The following SKAP2 variants were observed in gnomAD, a reference collection of about 807,000 sequenced individuals.
SKAP2 encodes the protein src kinase associated phosphoprotein 2.
A neutral mutation model predicts 54.9 loss-of-function variants in SKAP2; 28 were observed. The ratio of observed to expected loss-of-function variants is 0.51; its 90% confidence interval spans 0.38 to 0.70. SKAP2 has a LOEUF of 0.70. SKAP2 is among the 30% of genes least tolerant of loss of function. SKAP2 has a pLI of 0.00. For synonymous variants in SKAP2, 137 were observed against 134.3 expected, an observed-to-expected ratio of 1.02 and a Z score of -0.14; for missense variants, 356 against 424.1, an observed-to-expected ratio of 0.84 and a Z score of 1.41.
chr7:26,741,736 G>A (rs903585678), intron 4 of SKAP2, among the ~76,000 whole-genome samples: 6 of 151,222 alleles, frequency 4.0e-5, no homozygotes, highest in East Asian at 1.9e-4. Flanking sequence ...TTTGCCTATT[G>A]TGTACCCACA....
At chr7:26,705,073 G>A (rs1035326637) in intron 9 of SKAP2, among the ~76,000 whole-genome samples, 1 of 152,206 alleles carries the variant, frequency 6.6e-6, no homozygotes, top group African/African-American at 2.4e-5. Flanking sequence ...CACTCTGGGA[G>A]GACAAATCCC....
intron 4 of SKAP2, among the ~76,000 whole-genome samples, chr7:26,772,220 C>T (rs528742325): frequency 9.2e-5 from 14 of 152,144 alleles, no homozygotes; most frequent in Admixed American, 5.9e-4. Context: ...TGGTGTGCAG[C>T]ACTTTGTTTT....
intron 10 of SKAP2, 130 bp downstream of exon 10, chr7:26,690,155 T>A (rs1036733122): frequency 1.5e-6 from 1 of 657,308 alleles, no homozygotes; most frequent in Admixed American, 2.5e-5. Flanking sequence ...TTATCAGCCA[T>A]AAGATATCCA....
chr7:26,731,114 T>C (rs369634693), intron 6 of SKAP2, among the ~76,000 whole-genome samples: 10 of 152,202 alleles, frequency 6.6e-5, no homozygotes, highest in African/African-American at 2.2e-4. Context: ...CATTTCACAC[T>C]GTTTTCTAAA....
At chr7:26,663,679 T>C (rs1275367097), downstream of SKAP2, among the ~76,000 whole-genome samples, 1 of 152,122 alleles carries the variant, frequency 6.6e-6, no homozygotes, top group African/African-American at 2.4e-5. Flanking sequence ...AAAACAACTA[T>C]TTGAGACAGA....
chr7:26,689,460 C>T lies in SKAP2; in HGVS notation c.874+825G>A, dbSNP rs1376744240. On this transcript the variant is annotated intron_variant, in intron 10 of 12. Coordinates refer to ENST00000345317, the MANE Select transcript of SKAP2 (RefSeq NM_003930.5). Reference sequence around the variant, plus strand: ...ATAACAACAAGCAAGAAAAGTTGTCCGTATCATGTGATTTTGTACAGAGTG... The same window carrying T: ...ATAACAACAAGCAAGAAAAGTTGTCTGTATCATGTGATTTTGTACAGAGTG... 3.9e-5 allele frequency among the ~76,000 whole-genome samples: 6 copies of T among 152,196 alleles called. No homozygotes were observed. The South Asian group carries it at 8.3e-4, about 21-fold the overall frequency.
At chr7:26,856,756 G>T (rs898708626) in intron 1 of SKAP2, among the ~76,000 whole-genome samples, 3 of 152,144 alleles carry the variant, frequency 2.0e-5, no homozygotes, top group South Asian at 2.1e-4. Flanking sequence ...AGAATCACTG[G>T]CCCAATGACT....
intron 3 of SKAP2, among the ~76,000 whole-genome samples, chr7:26,848,932 C>A (rs576319676): frequency 2.1e-4 from 32 of 152,264 alleles, no homozygotes; most frequent in Non-Finnish European, 4.1e-4. Context: ...TAAGAAAAAA[C>A]CATTTTTCAA....
intron 4 of SKAP2, among the ~76,000 whole-genome samples, chr7:26,822,702 C>T (rs1333124068): frequency 1.3e-5 from 2 of 150,692 alleles, no homozygotes; most frequent in African/African-American, 2.5e-5. Context: ...GGTGAAACCC[C>T]GTCTCTACTA....
intron 4 of SKAP2, among the ~76,000 whole-genome samples, chr7:26,809,318 A>C (rs558263): frequency 0.85 from 128,834 of 151,858 alleles, 55,029 homozygotes; most frequent in East Asian, 0.99. Flanking sequence ...GAGGCTGAGA[A>C]AGGAGAATCA....
chr7:26,655,170 T>C, the SKAP2 span, among the ~76,000 whole-genome samples: 1 of 152,234 alleles, frequency 6.6e-6, no homozygotes, highest in Non-Finnish European at 1.5e-5. Flanking sequence ...CTCAAAAACA[T>C]TGTGCAAAAG....
At chr7:26,849,545 C>A (rs1325707235) in intron 3 of SKAP2, among the ~76,000 whole-genome samples, 2 of 151,684 alleles carry the variant, frequency 1.3e-5, no homozygotes, top group East Asian at 1.9e-4. Flanking sequence ...ATTAGCCAGG[C>A]GTGGTGGTGG....
In SKAP2 at chr7:26,681,379, G is replaced by A. The variant is rs551099832; in HGVS notation, c.987+3357C>T. On this transcript the variant is annotated intron_variant, in intron 11 of 12. Coordinates refer to ENST00000345317, the MANE Select transcript of SKAP2 (RefSeq NM_003930.5). ...GAATCGCTTAAACCTGGGAGGCAGC[G>A]GTTGCGGTGAGCCGAGATCGTGCCA... 2.4e-4 allele frequency among the ~76,000 whole-genome samples: 36 copies of A among 152,338 alleles called. 1 individual carries two copies. The South Asian group carries it at 5.0e-3, about 21-fold the overall frequency.
At chr7:26,675,140 G>A (rs185995757) in intron 11 of SKAP2, among the ~76,000 whole-genome samples, 1 of 152,168 alleles carries the variant, frequency 6.6e-6, no homozygotes, top group South Asian at 2.1e-4. Context: ...GTTCTTCCCG[G>A]GAACTCTTTT....
At chr7:26,671,642 A>T (rs1390686323) in intron 11 of SKAP2, among the ~76,000 whole-genome samples, 3 of 151,986 alleles carry the variant, frequency 2.0e-5, no homozygotes, top group Non-Finnish European at 2.9e-5. Flanking sequence ...TTGTTATTCT[A>T]TTGAGGGCAC....
chr7:26,826,688 T>TA (rs2127991545), intron 4 of SKAP2, among the ~76,000 whole-genome samples: 1 of 152,342 alleles, frequency 6.6e-6, no homozygotes, highest in African/African-American at 2.4e-5. Context: ...ATATTTCTTG[T>TA]AATAGTGATT....
intron 4 of SKAP2, among the ~76,000 whole-genome samples, chr7:26,783,104 A>C (rs1783462613): frequency 6.6e-6 from 1 of 152,138 alleles, no homozygotes; most frequent in Non-Finnish European, 1.5e-5. Context: ...ATGTCCCCAA[A>C]GCAGTTACAA....
intron 4 of SKAP2, among the ~76,000 whole-genome samples, chr7:26,815,716 T>C (rs982942860): frequency 7.2e-5 from 11 of 152,162 alleles, no homozygotes; most frequent in African/African-American, 2.7e-4. Flanking sequence ...ACCAACTCAC[T>C]ACATTCTTCC....
the SKAP2 span, among the ~76,000 whole-genome samples, chr7:26,661,900 T>C: frequency 6.6e-6 from 1 of 152,172 alleles, no homozygotes; most frequent in Non-Finnish European, 1.5e-5. Context: ...AAGTCACTTC[T>C]AAACATAATC....
Sources: gnomAD v4.1 joint callset for allele counts (sites outside exome capture counted in the v4.1 genomes callset) on GRCh38, gnomAD v4.1.1 for gene constraint, MANE v1.5 for transcripts, NCBI Gene and HGNC (gene_info 2026-07-23, HGNC 2026-07-21) for gene names.